Variants in ZNF536 observed in about 807,000 individuals in gnomAD.
The protein encoded by ZNF536 is zinc finger protein 536.
A neutral mutation model predicts 84.5 loss-of-function variants in ZNF536; 13 were observed. The observed-to-expected ratio is 0.15, with a 90% CI of 0.10 to 0.24. The LOEUF is 0.24. Among genes scored for constraint, ZNF536 ranks in the 10% least tolerant of loss-of-function variants. The pLI, the probability that ZNF536 is intolerant of heterozygous loss-of-function variation, is 1.00. For synonymous variants in ZNF536, 811 were observed against 742.5 expected, an observed-to-expected ratio of 1.09 and a Z score of -1.50; for missense variants, 1,536 against 1,747.5, an observed-to-expected ratio of 0.88 and a Z score of 2.16.
chr19:30,539,129 A>C (rs1027282137), intron 3 of ZNF536, among the ~76,000 whole-genome samples: 19 of 152,046 alleles, frequency 1.2e-4, no homozygotes, highest in Admixed American at 6.6e-4. Context: ...CCCCCCCCAC[A>C]CACACACACG....
Position 30,557,198 on chromosome 19 carries a change from C to A in ZNF536, c.*34C>A. 21 of 1,612,592 alleles carry A rather than the reference C, an allele frequency of 1.3e-5. No individual in the cohort carries two copies. The highest frequency in any genetic ancestry group is 1.8e-5 in the Non-Finnish European group (21 of 1,179,110). ...GTCCTAGTCGGTCTATCTGGACTTG[C>A]CCTTGTCTGTTCGTGGTCCTCGGTG... On this transcript the variant is annotated 3_prime_UTR_variant, in exon 5 of 5. Coordinates refer to ENST00000355537, the MANE Select transcript of ZNF536 (RefSeq NM_014717.3).
intron 1 of ZNF536, among the ~76,000 whole-genome samples, chr19:30,629,028 C>T (rs757703773): frequency 4.6e-5 from 7 of 151,998 alleles, no homozygotes; most frequent in Non-Finnish European, 7.4e-5. Context: ...AAGCACCTAC[C>T]GAATGCCCAC....
At chr19:30,678,305 A>G (rs1358133024) in intron 1 of ZNF536, among the ~76,000 whole-genome samples, 1 of 152,122 alleles carries the variant, frequency 6.6e-6, no homozygotes, top group Non-Finnish European at 1.5e-5. Context: ...GGGATTGCTC[A>G]GGGTCCTCAG....
chr19:30,558,902 A>G (rs1456077300), downstream of ZNF536, among the ~76,000 whole-genome samples: 3 of 152,216 alleles, frequency 2.0e-5, no homozygotes, highest in Non-Finnish European at 4.4e-5. Flanking sequence ...CACAACCCCA[A>G]ATAAATAAAG....
intron 1 of ZNF536, among the ~76,000 whole-genome samples, chr19:30,385,407 A>T (rs1385800460): frequency 6.6e-6 from 1 of 152,060 alleles, no homozygotes; most frequent in Non-Finnish European, 1.5e-5. Context: ...CAGCTGCCTG[A>T]CGGGTGTCTC....
chr19:30,596,422 T>C (rs1194933556), intron 1 of ZNF536, among the ~76,000 whole-genome samples: 2 of 152,256 alleles, frequency 1.3e-5, no homozygotes, highest in African/African-American at 4.8e-5. Flanking sequence ...ATATTCTTTG[T>C]TGACAGCCTT....
intron 2 of ZNF536, among the ~76,000 whole-genome samples, chr19:30,523,917 C>T (rs948826275): frequency 5.3e-5 from 8 of 152,178 alleles, no homozygotes; most frequent in East Asian, 3.9e-4. Context: ...GAAACAAGAA[C>T]GTATTTGTGA....
intron 1 of ZNF536, among the ~76,000 whole-genome samples, chr19:30,608,429 T>A (rs149480684): frequency 1.3e-5 from 2 of 151,966 alleles, no homozygotes; most frequent in African/African-American, 4.8e-5. Flanking sequence ...TTGTGTAGGG[T>A]GATATGATGC....
chr19:30,450,622 T>C (rs796766872), intron 2 of ZNF536, among the ~76,000 whole-genome samples: 20 of 152,300 alleles, frequency 1.3e-4, no homozygotes, highest in African/African-American at 4.8e-4. Flanking sequence ...GATGCCCTCT[T>C]AGATAGCCTC....
intron 1 of ZNF536, among the ~76,000 whole-genome samples, chr19:30,582,376 T>TA (rs1491493738): frequency 6.5e-5 from 3 of 46,226 alleles, no homozygotes; most frequent in African/African-American, 2.3e-4. Context: ...CTAGTTTCTC[T>TA]TTTTTTTTTT....
chr19:30,227,229 G>C (rs967549991), upstream of ZNF536, among the ~76,000 whole-genome samples: 1 of 152,172 alleles, frequency 6.6e-6, no homozygotes, highest in Admixed American at 6.5e-5. Flanking sequence ...AGTGAACTCC[G>C]GCAGGGCTTT....
chr19:30,239,918 C>T lies in ZNF536; in HGVS notation c.-190+11245C>T, dbSNP rs565322101. ...GAGGCAAGGTTGCCTTTCATCTGCT[C>T]TCACCCTTGGGGTTTTGGGATCCAA... On this transcript the variant is annotated intron_variant, in intron 1 of 5. Coordinates refer to the ZNF536 transcript ENST00000585628. Among the ~76,000 whole-genome samples the T allele has an allele frequency of 4.6e-5, 7 of 152,330 alleles. No individual in the cohort carries two copies. The East Asian group carries it at 9.7e-4, about 21-fold the overall frequency.
intron 1 of ZNF536, among the ~76,000 whole-genome samples, chr19:30,681,623 A>G (rs1343354993): frequency 6.6e-6 from 1 of 152,246 alleles, no homozygotes; most frequent in Non-Finnish European, 1.5e-5. Context: ...TCTGCCCAGC[A>G]GATACTGGTG....
chr19:30,584,840 A>C (rs1171288726), intron 1 of ZNF536, among the ~76,000 whole-genome samples: 1 of 152,174 alleles, frequency 6.6e-6, no homozygotes, highest in Non-Finnish European at 1.5e-5. Flanking sequence ...TCACGCCTGC[A>C]ATCCCTGCAC....
At chr19:30,260,390 G>T (rs1049234948) in intron 1 of ZNF536, among the ~76,000 whole-genome samples, 4 of 152,188 alleles carry the variant, frequency 2.6e-5, no homozygotes, top group Non-Finnish European at 5.9e-5. Context: ...TTTAGAGTTT[G>T]CTGGGCAGGA....
chr19:30,373,179 G>A (rs1386433909), intron 1 of ZNF536, among the ~76,000 whole-genome samples: 1 of 152,184 alleles, frequency 6.6e-6, no homozygotes, highest in Non-Finnish European at 1.5e-5. Flanking sequence ...AAAGTTAATA[G>A]CACTTGTGCT....
chr19:30,237,381 C>A (rs1040015245), intron 1 of ZNF536, among the ~76,000 whole-genome samples: 6 of 152,146 alleles, frequency 3.9e-5, no homozygotes, highest in African/African-American at 1.4e-4. Context: ...AAGGGCCAGG[C>A]AGCCTGGGGA....
chr19:30,641,116 A>G (rs1159948427), intron 1 of ZNF536, among the ~76,000 whole-genome samples: 3 of 152,256 alleles, frequency 2.0e-5, no homozygotes, highest in Non-Finnish European at 4.4e-5. Context: ...TTCGTGAGAT[A>G]AAATCTTTAG....
At chr19:30,281,168 C>G (rs1283710493) in intron 1 of ZNF536, among the ~76,000 whole-genome samples, 1 of 152,152 alleles carries the variant, frequency 6.6e-6, no homozygotes, top group Non-Finnish European at 1.5e-5. Context: ...GCTCTTGTCT[C>G]CCCTTCCTCA....
Sources: gnomAD v4.1 joint callset for allele counts (sites outside exome capture counted in the v4.1 genomes callset) on GRCh38, gnomAD v4.1.1 for gene constraint, MANE v1.5 for transcripts, NCBI Gene and HGNC (gene_info 2026-07-23, HGNC 2026-07-21) for gene names.